KCND2: variants seen among roughly 807,000 people sequenced by gnomAD.
KCND2 encodes the protein A-type voltage-gated potassium channel KCND2.
KCND2 carries 16 observed loss-of-function variants against 54.4 expected under a neutral mutation model. The ratio of observed to expected loss-of-function variants is 0.29; its 90% CI spans 0.20 to 0.45. The LOEUF is 0.45. KCND2 is among the 20% of genes least tolerant of loss of function. The pLI is 1.00. For missense variants in KCND2, 486 were observed against 824.2 expected (o/e 0.59, Z 5.02); for synonymous variants, 317 against 310.7 (o/e 1.02, Z -0.21).
chr7:120,314,874 C>T (rs1169331307), intron 1 of KCND2, among the ~76,000 whole-genome samples: 12 of 152,122 alleles, frequency 7.9e-5, no homozygotes, highest in African/African-American at 2.4e-4. Flanking sequence ...TTCATCTCCT[C>T]ATTAGCTGTT....
At chr7:120,639,877 C>T (rs1226708324) in intron 1 of KCND2, among the ~76,000 whole-genome samples, 4 of 151,914 alleles carry the variant, frequency 2.6e-5, no homozygotes, top group Non-Finnish European at 5.9e-5. Context: ...GCCTTAGTGT[C>T]ACGAATATCC....
intron 1 of KCND2, among the ~76,000 whole-genome samples, chr7:120,378,044 G>C (rs1342617682): frequency 2.0e-5 from 3 of 151,858 alleles, no homozygotes; most frequent in African/African-American, 7.3e-5. Flanking sequence ...ATGCATAGAA[G>C]GTAGTATATG....
chr7:120,746,665 A>T (rs926494439), intron 5 of KCND2: 8 of 152,838 alleles, frequency 5.2e-5, no homozygotes, highest in African/African-American at 1.7e-4. Flanking sequence ...TTCCTTATTC[A>T]CTGTTTTTAC....
chr7:120,497,373 G>T (rs975089113), intron 1 of KCND2, among the ~76,000 whole-genome samples: 4 of 152,174 alleles, frequency 2.6e-5, no homozygotes, highest in African/African-American at 9.6e-5. Flanking sequence ...GGACGCATAC[G>T]TGCTATTTCT....
In KCND2 at chr7:120,519,268, G is replaced by C. The variant is rs527396600; in HGVS notation, c.1116-213635G>C. Among the ~76,000 whole-genome samples the C allele has an allele frequency of 2.0e-5, 3 of 152,058 alleles. No homozygotes were observed. The South Asian group carries it at 6.2e-4, about 32-fold the overall frequency. On this transcript the variant is annotated intron_variant, in intron 1 of 5. Transcript: ENST00000331113. The stretch of plus-strand genomic sequence containing the variant: ...AGGTAGGAGAATCGCTTGAACCCAC[G>C]AGACTGAGGCTGAGGTTGCAGTGAG...
chr7:120,676,335 A>G (rs1220273129), intron 1 of KCND2, among the ~76,000 whole-genome samples: 2 of 152,222 alleles, frequency 1.3e-5, no homozygotes, highest in Non-Finnish European at 2.9e-5. Flanking sequence ...TTAATCATTA[A>G]CTGTAAACCC....
intron 1 of KCND2, among the ~76,000 whole-genome samples, chr7:120,384,493 A>G (rs146330437): frequency 9.2e-5 from 14 of 152,286 alleles, no homozygotes; most frequent in Admixed American, 2.0e-4. Flanking sequence ...CTACCCCTGA[A>G]TAATATGTTC....
chr7:120,524,811 G>T (rs894408013), intron 1 of KCND2, among the ~76,000 whole-genome samples: 2 of 152,120 alleles, frequency 1.3e-5, no homozygotes, highest in Non-Finnish European at 2.9e-5. Flanking sequence ...GTTTGGGTTA[G>T]CTAACTTAGG....
chr7:120,732,143 G>A (rs1694136933), intron 1 of KCND2, among the ~76,000 whole-genome samples: 2 of 152,100 alleles, frequency 1.3e-5, no homozygotes, highest in Admixed American at 6.6e-5. Flanking sequence ...AAGTCACATA[G>A]GAAGTGGGTT....
intron 1 of KCND2, among the ~76,000 whole-genome samples, chr7:120,277,641 A>C (rs62470461): frequency 0.13 from 19,115 of 151,998 alleles, 1,268 homozygotes; most frequent in African/African-American, 0.16. Flanking sequence ...CATATAGCTA[A>C]TAGTTCTATA....
upstream of KCND2, among the ~76,000 whole-genome samples, chr7:120,273,050 C>G (rs1471244807): frequency 2.6e-5 from 4 of 152,046 alleles, no homozygotes; most frequent in Non-Finnish European, 5.9e-5. Context: ...GCAGATCCAC[C>G]TGGATGCTCT....
intron 1 of KCND2, among the ~76,000 whole-genome samples, chr7:120,705,729 A>T (rs1369807425): frequency 6.6e-6 from 1 of 152,184 alleles, no homozygotes; most frequent in East Asian, 1.9e-4. Flanking sequence ...TAAATGAGAA[A>T]TATAAAGCAT....
intron 1 of KCND2, among the ~76,000 whole-genome samples, chr7:120,410,708 C>T (rs1164941843): frequency 4.5e-5 from 6 of 132,906 alleles, no homozygotes; most frequent in Non-Finnish European, 9.6e-5. Context: ...CCCCCTACCC[C>T]ACAACAGGCC....
chr7:120,304,389 G>A (rs571718113), intron 1 of KCND2, among the ~76,000 whole-genome samples: 4 of 152,276 alleles, frequency 2.6e-5, no homozygotes, highest in East Asian at 1.9e-4. Flanking sequence ...AGACCAAACT[G>A]AATTACATAA....
rs777105148 is a variant in KCND2 at position 120,732,885 on chromosome 7, AT to A, written c.1116-12del. Reference sequence around the variant, plus strand: ...CTGTGACTTAAAACAATATATATATATTTTTTCTTTAACTCAGGTATGGTGA... The same window carrying A: ...CTGTGACTTAAAACAATATATATATATTTTTCTTTAACTCAGGTATGGTGA... On this transcript the variant is annotated splice_polypyrimidine_tract_variant and intron_variant, in intron 1 of 5. Coordinates refer to ENST00000331113, the MANE Select transcript of KCND2 (RefSeq NM_012281.3). 6.2e-7 allele frequency: 1 copy of A among 1,602,194 alleles called. No individual in the cohort carries two copies. The highest frequency in any genetic ancestry group is 1.3e-5 in the African/African-American group (1 of 74,558).
chr7:120,314,031 A>G (rs1358077810), intron 1 of KCND2, among the ~76,000 whole-genome samples: 1 of 151,800 alleles, frequency 6.6e-6, no homozygotes, highest in Non-Finnish European at 1.5e-5. Flanking sequence ...AAAATCAACA[A>G]ATACAGTAAG....
intron 1 of KCND2, among the ~76,000 whole-genome samples, chr7:120,347,592 T>C (rs1284188163): frequency 6.6e-6 from 1 of 151,938 alleles, no homozygotes; most frequent in African/African-American, 2.4e-5. Flanking sequence ...ACCCCGTCTC[T>C]ACTAAAAACA....
At chr7:120,556,766 A>G (rs1792171330) in intron 1 of KCND2, among the ~76,000 whole-genome samples, 1 of 152,192 alleles carries the variant, frequency 6.6e-6, no homozygotes, top group Non-Finnish European at 1.5e-5. Flanking sequence ...CAAATGACCT[A>G]GACTTACAAT....
intron 1 of KCND2, among the ~76,000 whole-genome samples, chr7:120,549,470 T>C (rs1792080764): frequency 6.6e-6 from 1 of 152,148 alleles, no homozygotes; most frequent in Non-Finnish European, 1.5e-5. Flanking sequence ...ACTTCAGTCT[T>C]TGCACACTCA....
Sources: gnomAD v4.1 joint callset for allele counts (sites outside exome capture counted in the v4.1 genomes callset) on GRCh38, gnomAD v4.1.1 for gene constraint, MANE v1.5 for transcripts, NCBI Gene and HGNC (gene_info 2026-07-23, HGNC 2026-07-21) for gene names.